Variants in PLD1 observed in about 807,000 individuals in gnomAD.
The protein encoded by PLD1 is choline phosphatase 1.
Under a neutral mutation model 137.1 loss-of-function variants are expected in PLD1, and 112 were observed. The observed-to-expected ratio is 0.82, with a 90% confidence interval of 0.70 to 0.96. PLD1 has a LOEUF of 0.96. Among genes scored for constraint, PLD1 ranks in the 40% least tolerant of loss-of-function variants. The pLI is 0.00. For missense variants in PLD1, 1,321 were observed against 1,342.0 expected (o/e 0.98, Z 0.24); for synonymous variants, 431 against 454.7 (o/e 0.95, Z 0.66).
At chr3:171,710,465 G>T (rs1717096923) in intron 9 of PLD1, among the ~76,000 whole-genome samples, 1 of 152,142 alleles carries the variant, frequency 6.6e-6, no homozygotes, top group Non-Finnish European at 1.5e-5. Context: ...TATGATTCTC[G>T]TGAGGAGCGC....
intron 12 of PLD1, 85 bp from the exon 13 acceptor site, chr3:171,692,527 T>A (rs1483356766): frequency 1.2e-5 from 9 of 736,148 alleles, no homozygotes; most frequent in Non-Finnish European, 2.2e-5. Context: ...CACTGTACTT[T>A]CTTTCTTTTT....
At chr3:171,770,373 A>G (rs1722259220) in intron 1 of PLD1, among the ~76,000 whole-genome samples, 1 of 152,218 alleles carries the variant, frequency 6.6e-6, no homozygotes, top group African/African-American at 2.4e-5. Flanking sequence ...AAAGAGAAAA[A>G]TTAAAATGAT....
At chr3:171,785,262 T>C (rs956039624) in intron 1 of PLD1, among the ~76,000 whole-genome samples, 3 of 152,240 alleles carry the variant, frequency 2.0e-5, no homozygotes, top group Admixed American at 1.3e-4. Context: ...GTGAGCCACA[T>C]ATATAATTTT....
At chr3:171,657,805 A>G (rs1440830524) in intron 21 of PLD1, among the ~76,000 whole-genome samples, 1 of 152,212 alleles carries the variant, frequency 6.6e-6, no homozygotes, top group Non-Finnish European at 1.5e-5. Flanking sequence ...AAAAAAATAG[A>G]TAAGTTAGCT....
intron 16 of PLD1, among the ~76,000 whole-genome samples, chr3:171,683,594 A>T (rs573026726): frequency 6.6e-6 from 1 of 152,274 alleles, no homozygotes; most frequent in Admixed American, 6.5e-5. Flanking sequence ...AACTAACCTC[A>T]TGAGAGATGT....
chr3:171,775,045 G>A (rs1168455688), intron 1 of PLD1, among the ~76,000 whole-genome samples: 2 of 152,196 alleles, frequency 1.3e-5, no homozygotes, highest in African/African-American at 4.8e-5. Context: ...TGTACAGCAT[G>A]AGAAGAAAGA....
At chr3:171,640,958 T>C (rs1434416882) in intron 23 of PLD1, among the ~76,000 whole-genome samples, 4 of 152,208 alleles carry the variant, frequency 2.6e-5, no homozygotes, top group Admixed American at 1.3e-4. Flanking sequence ...CCAGGTTTTT[T>C]AAAAAGTCTA....
chr3:171,747,655 T>C (rs1179525324), intron 1 of PLD1, among the ~76,000 whole-genome samples: 5 of 152,186 alleles, frequency 3.3e-5, no homozygotes, highest in Non-Finnish European at 7.3e-5. Flanking sequence ...TTATGCTGAA[T>C]TTAACAGTAA....
intron 1 of PLD1, among the ~76,000 whole-genome samples, chr3:171,764,266 G>A (rs144756297): frequency 0.011 from 1,645 of 152,246 alleles, 13 homozygotes; most frequent in Middle Eastern, 0.024. Context: ...GAGCCACTGC[G>A]CCTGGTCTAC....
intron 1 of PLD1, among the ~76,000 whole-genome samples, chr3:171,808,454 T>C (rs929048815): frequency 6.6e-6 from 1 of 152,050 alleles, no homozygotes; most frequent in African/African-American, 2.4e-5. Context: ...GAGAATGGCG[T>C]GAACCCGGGA....
At chr3:171,631,547 G>A (rs1025515579) in intron 23 of PLD1, among the ~76,000 whole-genome samples, 1 of 152,078 alleles carries the variant, frequency 6.6e-6, no homozygotes, top group African/African-American at 2.4e-5. Context: ...ACCATTTTTC[G>A]CTAAAATAAC....
chr3:171,648,897 A>C (rs547672580), intron 21 of PLD1, among the ~76,000 whole-genome samples: 54 of 152,312 alleles, frequency 3.5e-4, no homozygotes, highest in African/African-American at 1.3e-3. Context: ...ATATTCTACC[A>C]TGCATCTATA....
intron 1 of PLD1, chr3:171,765,287 C>T (rs776112978): frequency 1.3e-5 from 2 of 152,186 alleles, no homozygotes; most frequent in African/African-American, 4.8e-5. Flanking sequence ...CTCCATGAGG[C>T]TGCCGTCTTC....
intron 1 of PLD1, among the ~76,000 whole-genome samples, chr3:171,769,430 A>G (rs1406148775): frequency 6.6e-6 from 1 of 152,254 alleles, no homozygotes; most frequent in Non-Finnish European, 1.5e-5. Flanking sequence ...AAAATTTAAT[A>G]TCATTTAATA....
At chr3:171,797,137 A>T (rs1319858651) in intron 1 of PLD1, among the ~76,000 whole-genome samples, 1 of 151,976 alleles carries the variant, frequency 6.6e-6, no homozygotes, top group Non-Finnish European at 1.5e-5. Flanking sequence ...TCCCATATAC[A>T]TTCTGCACTC....
At chr3:171,634,665 C>T (rs7617044) in intron 23 of PLD1, among the ~76,000 whole-genome samples, 12,028 of 152,032 alleles carry the variant, frequency 0.079, 1,350 homozygotes, top group African/African-American at 0.25. Flanking sequence ...TGTACATATG[C>T]CTATTTTGAA....
At chr3:171,771,926 T>A (rs1330657563) in intron 1 of PLD1, among the ~76,000 whole-genome samples, 1 of 152,264 alleles carries the variant, frequency 6.6e-6, no homozygotes, top group South Asian at 2.1e-4. Context: ...AACATTCTTA[T>A]AATTCAGTTT....
At chr3:171,738,685 A>T (rs774413518) in intron 1 of PLD1, among the ~76,000 whole-genome samples, 22 of 152,304 alleles carry the variant, frequency 1.4e-4, no homozygotes, top group Non-Finnish European at 2.9e-4. Context: ...CTTGAAAGGA[A>T]ATTGATTAAT....
intron 19 of PLD1, among the ~76,000 whole-genome samples, chr3:171,671,089 T>C (rs925093480): frequency 6.6e-6 from 1 of 152,240 alleles, no homozygotes; most frequent in Non-Finnish European, 1.5e-5. Flanking sequence ...GGTAATGGCA[T>C]GCTGAGGCCA....
Sources: gnomAD v4.1 joint callset for allele counts (sites outside exome capture counted in the v4.1 genomes callset) on GRCh38, gnomAD v4.1.1 for gene constraint, MANE v1.5 for transcripts, NCBI Gene and HGNC (gene_info 2026-07-23, HGNC 2026-07-21) for gene names.